NBEA: variants seen among roughly 807,000 people sequenced by gnomAD.
NBEA encodes the protein neurobeachin.
Under a neutral mutation model 343.4 loss-of-function variants are expected in NBEA, and 44 were observed. That is an observed-to-expected ratio of 0.13 (90% confidence interval 0.10 to 0.16). NBEA has a LOEUF of 0.16. Among genes scored for constraint, NBEA ranks in the 10% least tolerant of loss-of-function variants. The probability of loss-of-function intolerance (pLI) is 1.00; values close to 1 mark genes in which losing one functional copy is unlikely to be tolerated. For missense variants in NBEA, 2,555 were observed against 3,631.3 expected, an observed-to-expected ratio of 0.70 and a Z score of 7.62; for synonymous variants, 1,175 against 1,238.7, an observed-to-expected ratio of 0.95 and a Z score of 1.08.
At chr13:35,216,594 T>G (rs2074079887) in intron 33 of NBEA, among the ~76,000 whole-genome samples, 1 of 151,978 alleles carries the variant, frequency 6.6e-6, no homozygotes, top group Non-Finnish European at 1.5e-5. Context: ...TGTAGTATTT[T>G]TTATATTCAA....
intron 39 of NBEA, among the ~76,000 whole-genome samples, chr13:35,441,764 T>C: frequency 6.6e-6 from 1 of 150,960 alleles, no homozygotes; most frequent in East Asian, 2.0e-4. Flanking sequence ...AATAAACTTG[T>C]CTCCTATTTG....
At chr13:35,009,996 A>T (rs1411122305) in intron 1 of NBEA, among the ~76,000 whole-genome samples, 1 of 152,150 alleles carries the variant, frequency 6.6e-6, no homozygotes, top group African/African-American at 2.4e-5. Context: ...TCGCTAGAGG[A>T]TCTAATTTGC....
intron 34 of NBEA, among the ~76,000 whole-genome samples, chr13:35,255,428 C>T (rs191364391): frequency 1.6e-4 from 25 of 152,346 alleles, no homozygotes; most frequent in Non-Finnish European, 3.4e-4. Flanking sequence ...AGATCCCATG[C>T]GAGCCAGGCA....
intron 38 of NBEA, among the ~76,000 whole-genome samples, chr13:35,409,769 G>A (rs890189490): frequency 5.3e-5 from 8 of 152,010 alleles, no homozygotes; most frequent in African/African-American, 1.7e-4. Context: ...AACTACAAAG[G>A]GGGAAGTGTA....
intron 36 of NBEA, among the ~76,000 whole-genome samples, chr13:35,334,746 T>C (rs2039146611): frequency 6.6e-6 from 1 of 152,230 alleles, no homozygotes; most frequent in Non-Finnish European, 1.5e-5. Context: ...TTATATATTC[T>C]GGTTATTAAT....
chr13:35,398,205 G>A (rs2152904648), intron 38 of NBEA, among the ~76,000 whole-genome samples: 1 of 152,224 alleles, frequency 6.6e-6, no homozygotes, highest in East Asian at 1.9e-4. Context: ...TTTATTATGA[G>A]ATTGTAACAA....
chr13:35,157,765 A>G (rs1191474632), intron 21 of NBEA, among the ~76,000 whole-genome samples: 1 of 152,056 alleles, frequency 6.6e-6, no homozygotes, highest in Admixed American at 6.6e-5. Flanking sequence ...TCTTTGGTAA[A>G]ATGAAATAGT....
chr13:35,476,046 G>T (rs758880107), intron 41 of NBEA: 27 of 1,614,082 alleles, frequency 1.7e-5, no homozygotes, highest in Non-Finnish European at 2.2e-5. Flanking sequence ...AGACTTCCCG[G>T]ATAGTTTTGG....
intron 17 of NBEA, among the ~76,000 whole-genome samples, chr13:35,135,552 T>A (rs1332492938): frequency 7.0e-6 from 1 of 143,672 alleles, no homozygotes; most frequent in Non-Finnish European, 1.5e-5. Context: ...TTTGTAAACA[T>A]GTCATTCTGG....
intron 1 of NBEA, among the ~76,000 whole-genome samples, chr13:35,031,421 G>A (rs117328138): frequency 0.046 from 6,926 of 151,682 alleles, 240 homozygotes; most frequent in Non-Finnish European, 0.067. Context: ...TAATAAATTT[G>A]ATTTTGCTGG....
At chr13:35,009,846 C>A (rs2061426740) in intron 1 of NBEA, among the ~76,000 whole-genome samples, 2 of 152,096 alleles carry the variant, frequency 1.3e-5, no homozygotes, top group Admixed American at 1.3e-4. Flanking sequence ...AAGAACTGAC[C>A]AGAATTTAGA....
At chr13:35,652,028 A>T (rs1311239208) in intron 53 of NBEA, among the ~76,000 whole-genome samples, 152 bp downstream of exon 53, 1 of 152,222 alleles carries the variant, frequency 6.6e-6, no homozygotes, top group African/African-American at 2.4e-5. Context: ...TGTAAATCAT[A>T]ATATGCCATC....
intron 20 of NBEA, among the ~76,000 whole-genome samples, 161 bp from the exon 21 acceptor site, chr13:35,156,917 A>C (rs563316444): frequency 6.6e-6 from 1 of 152,218 alleles, no homozygotes; most frequent in Non-Finnish European, 1.5e-5. Context: ...AATAAGAGAA[A>C]GTCATTCCAA....
At chr13:35,119,617 C>T (rs769246464) in intron 16 of NBEA, among the ~76,000 whole-genome samples, 1 of 152,022 alleles carries the variant, frequency 6.6e-6, no homozygotes, top group Admixed American at 6.6e-5. Context: ...CTTGCTCTGT[C>T]GCCCAGGCTG....
chr13:34,946,953 T>C (rs1056668155), intron 1 of NBEA, among the ~76,000 whole-genome samples: 3 of 151,708 alleles, frequency 2.0e-5, no homozygotes, highest in Non-Finnish European at 4.4e-5. Flanking sequence ...ATATTTAGAA[T>C]TTTACAAACA....
At chr13:35,162,589 C>G (rs2069653375) in intron 23 of NBEA, among the ~76,000 whole-genome samples, 1 of 151,984 alleles carries the variant, frequency 6.6e-6, no homozygotes, top group Non-Finnish European at 1.5e-5. Flanking sequence ...TCTCCTCTTT[C>G]ACTTTCTCTT....
chr13:35,120,057 TG>T (rs910237745), intron 16 of NBEA, among the ~76,000 whole-genome samples: 1 of 152,226 alleles, frequency 6.6e-6, no homozygotes. Flanking sequence ...CCTTAGATTT[TG>T]CTTTGTTTAT....
Position 35,508,214 on chromosome 13 carries a change from T to C in NBEA, c.6585+35678T>C, listed in dbSNP as rs574917544. Reference sequence around the variant, plus strand: ...ACCATCACATATGAAGGGCTGCAGATGAGAAAGAACATGATACACTCAAGG... The same window carrying C: ...ACCATCACATATGAAGGGCTGCAGACGAGAAAGAACATGATACACTCAAGG... On this transcript the variant is annotated intron_variant, in intron 41 of 58. Coordinates refer to ENST00000379939, the MANE Select transcript of NBEA (RefSeq NM_001385012.1). Among the ~76,000 whole-genome samples, 3 of 152,160 alleles carry C rather than the reference T, an allele frequency of 2.0e-5. No individual in the cohort carries two copies. The East Asian group carries it at 5.8e-4, about 30-fold the overall frequency.
At position 35,016,742 on chromosome 13, in the gene NBEA, A is replaced by T. The variant is rs541136075; in HGVS notation, c.295-24191A>T. Among the ~76,000 whole-genome samples, 10 of 152,318 alleles carry T rather than the reference A, an allele frequency of 6.6e-5. No individual in the cohort carries two copies. In the East Asian group the frequency reaches 1.9e-3, roughly 29 times the overall value. ...AATGGAGACATACGGTATTTTAGGT[A>T]GTGTAGTCAGTGAATGCCTCTTTGA... On this transcript the variant is annotated intron_variant, in intron 1 of 58. Coordinates refer to ENST00000379939, the MANE Select transcript of NBEA (RefSeq NM_001385012.1).
Sources: allele counts gnomAD v4.1 joint callset (sites outside exome capture counted in the v4.1 genomes callset), GRCh38; gene constraint gnomAD v4.1.1; transcripts MANE v1.5; gene names NCBI Gene and HGNC (gene_info 2026-07-23, HGNC 2026-07-21).